Variants in LRRC7 observed in about 807,000 individuals in gnomAD.
The protein encoded by LRRC7 is leucine-rich repeat-containing protein 7.
A neutral mutation model predicts 175.7 loss-of-function variants in LRRC7; 23 were observed. The ratio of observed to expected loss-of-function variants is 0.13; its 90% confidence interval spans 0.09 to 0.19. The LOEUF (loss-of-function observed/expected upper bound fraction) is 0.19, where lower values mean the gene tolerates loss of function less well. Among genes scored for constraint, LRRC7 ranks in the 10% least tolerant of loss-of-function variants. The pLI is 1.00. For synonymous variants in LRRC7, 685 were observed against 680.9 expected, an observed-to-expected ratio of 1.01 and a Z score of -0.09; for missense variants, 1,354 against 1,904.7, an observed-to-expected ratio of 0.71 and a Z score of 5.38.
At chr1:70,071,288 A>G (rs1390576824) in intron 23 of LRRC7, among the ~76,000 whole-genome samples, 2 of 152,164 alleles carry the variant, frequency 1.3e-5, no homozygotes, top group Admixed American at 6.5e-5. Context: ...ACTTACCACC[A>G]TGCTGTGACT....
intron 25 of LRRC7, among the ~76,000 whole-genome samples, chr1:70,103,234 G>GAAA (rs55743529): frequency 6.2e-5 from 8 of 129,336 alleles, no homozygotes; most frequent in Non-Finnish European, 1.0e-4. Flanking sequence ...GTCTCAAAAA[G>GAAA]AAAAAAAAAA....
intron 1 of LRRC7, among the ~76,000 whole-genome samples, chr1:69,669,508 C>T (rs1412861727): frequency 6.6e-6 from 1 of 152,098 alleles, no homozygotes; most frequent in Non-Finnish European, 1.5e-5. Flanking sequence ...TTTCTTTATC[C>T]TTGACCTTTG....
chr1:70,022,385 T>C (rs1414122684), intron 16 of LRRC7: 1 of 152,192 alleles, frequency 6.6e-6, no homozygotes, highest in African/African-American at 2.4e-5. Flanking sequence ...AATTGCATGC[T>C]TCTTCCTGAA....
chr1:69,689,237 T>C (rs2100649247), intron 2 of LRRC7, among the ~76,000 whole-genome samples: 1 of 152,324 alleles, frequency 6.6e-6, no homozygotes, highest in Non-Finnish European at 1.5e-5. Flanking sequence ...TAAACGACTG[T>C]TAGTCAGATT....
chr1:70,044,914 T>A lies in LRRC7; in HGVS notation c.4110+820T>A, dbSNP rs1416601749. Among the ~76,000 whole-genome samples the A allele has an allele frequency of 2.0e-5, 3 of 152,104 alleles. No homozygotes were observed. The East Asian group carries it at 5.8e-4, about 29-fold the overall frequency. ...TATATTGTCATTAGCCTAGTAAGTTTTTATGAAAAAGCAGTGCAAAGTAGG... is the reference window on the plus strand; with the variant it reads ...TATATTGTCATTAGCCTAGTAAGTTATTATGAAAAAGCAGTGCAAAGTAGG... On this transcript the variant is annotated intron_variant, in intron 22 of 26. Coordinates refer to ENST00000651989, the MANE Select transcript of LRRC7 (RefSeq NM_001370785.2).
chr1:69,879,938 C>T (rs1411131855), intron 7 of LRRC7: 1 of 152,212 alleles, frequency 6.6e-6, no homozygotes, highest in Admixed American at 6.5e-5. Flanking sequence ...GAAGGTTGGT[C>T]TTGTTTGCTG....
chr1:69,660,449 G>T, intron 1 of LRRC7, among the ~76,000 whole-genome samples: 1 of 151,992 alleles, frequency 6.6e-6, no homozygotes, highest in Non-Finnish European at 1.5e-5. Context: ...CCTCAACAAT[G>T]AATTCGGCAA....
rs763264929 is a variant in LRRC7, at chr1:70,140,189, A to AT, written c.*18303dup. Reference sequence around the variant, plus strand: ...TCAGGCTGCTTTTATCAAGCTAAGCATGGGCATGCCTTTCCAAAGGGTATA... The same window carrying AT: ...TCAGGCTGCTTTTATCAAGCTAAGCATTGGGCATGCCTTTCCAAAGGGTATA... On this transcript the variant is annotated 3_prime_UTR_variant, in exon 27 of 27. Coordinates refer to ENST00000651989, the MANE Select transcript of LRRC7 (RefSeq NM_001370785.2). 6.6e-6 allele frequency: 1 copy of AT among 152,154 alleles called. No homozygotes were observed. The highest frequency in any genetic ancestry group is 1.5e-5 in the Non-Finnish European group (1 of 67,998). 9.4% of individuals were successfully genotyped at this position (152,154 alleles called of 1,614,324 possible).
At chr1:70,102,125 A>G (rs897025731) in intron 25 of LRRC7, among the ~76,000 whole-genome samples, 1 of 152,232 alleles carries the variant, frequency 6.6e-6, no homozygotes, top group African/African-American at 2.4e-5. Context: ...AGCCATTACT[A>G]TAAAGGGTTG....
chr1:69,864,345 T>C (rs531771743), intron 7 of LRRC7, among the ~76,000 whole-genome samples: 10 of 152,224 alleles, frequency 6.6e-5, no homozygotes, highest in African/African-American at 2.4e-4. Context: ...GGAAGAATAG[T>C]TGGATGAATA....
intron 2 of LRRC7, among the ~76,000 whole-genome samples, chr1:69,759,317 C>G (rs1008850905): frequency 6.6e-6 from 1 of 151,778 alleles, no homozygotes; most frequent in Non-Finnish European, 1.5e-5. Flanking sequence ...CAAGAATGAA[C>G]AAAATAATCA....
At chr1:69,756,664 T>C (rs909558121) in intron 2 of LRRC7, among the ~76,000 whole-genome samples, 1 of 151,862 alleles carries the variant, frequency 6.6e-6, no homozygotes, top group Non-Finnish European at 1.5e-5. Context: ...TACACCTTTT[T>C]TGAGGTATAT....
intron 4 of LRRC7, among the ~76,000 whole-genome samples, chr1:69,815,184 T>C (rs1678441631): frequency 6.6e-6 from 1 of 152,192 alleles, no homozygotes; most frequent in Non-Finnish European, 1.5e-5. Context: ...GCCTCTCTTA[T>C]GTTGGACCAT....
chr1:69,784,229 C>T (rs2101037205), intron 3 of LRRC7, among the ~76,000 whole-genome samples: 1 of 151,954 alleles, frequency 6.6e-6, no homozygotes, highest in South Asian at 2.1e-4. Flanking sequence ...GTTGTAAAAG[C>T]ATAAACAGAA....
chr1:70,022,328 C>G (rs895823619), intron 16 of LRRC7: 5 of 152,124 alleles, frequency 3.3e-5, no homozygotes, highest in Non-Finnish European at 7.4e-5. Flanking sequence ...ATGATGCATT[C>G]TATACCGGAC....
intron 2 of LRRC7, among the ~76,000 whole-genome samples, chr1:69,712,591 C>G (rs746760000): frequency 1.3e-5 from 2 of 152,102 alleles, no homozygotes; most frequent in South Asian, 4.2e-4. Flanking sequence ...GGCGACAGAG[C>G]GAGACTCCAT....
intron 3 of LRRC7, among the ~76,000 whole-genome samples, chr1:69,775,921 G>C (rs1054190799): frequency 1.3e-5 from 2 of 152,080 alleles, no homozygotes; most frequent in African/African-American, 4.8e-5. Context: ...AGAAGCAAAG[G>C]ATATGAATAA....
At chr1:69,713,619 G>A (rs1665028140) in intron 2 of LRRC7, among the ~76,000 whole-genome samples, 1 of 151,866 alleles carries the variant, frequency 6.6e-6, no homozygotes, top group Admixed American at 6.6e-5. Flanking sequence ...TAAGTTGTAG[G>A]CCTATGCTAC....
intron 2 of LRRC7, among the ~76,000 whole-genome samples, chr1:69,693,915 C>G (rs1171041622): frequency 2.0e-5 from 3 of 152,142 alleles, no homozygotes; most frequent in Non-Finnish European, 4.4e-5. Context: ...CAGAAGCAAG[C>G]ATATATTTTT....
Sources: allele counts gnomAD v4.1 joint callset (sites outside exome capture counted in the v4.1 genomes callset), GRCh38; gene constraint gnomAD v4.1.1; transcripts MANE v1.5; gene names NCBI Gene and HGNC (gene_info 2026-07-23, HGNC 2026-07-21).